Variants in ADTRP observed in about 807,000 individuals in gnomAD.
ADTRP encodes the protein androgen-dependent TFPI-regulating protein.
A neutral mutation model predicts 27.0 loss-of-function variants in ADTRP; 20 were observed. That is an observed-to-expected ratio of 0.74 (90% CI 0.52 to 1.08). The LOEUF is 1.08. Ranked by LOEUF, ADTRP falls within the 50% of genes least tolerant of loss-of-function variation. The pLI is 0.00. For synonymous variants in ADTRP, 101 were observed against 105.2 expected, an observed-to-expected ratio of 0.96 and a Z score of 0.25; for missense variants, 251 against 275.0, an observed-to-expected ratio of 0.91 and a Z score of 0.62.
At position 11,766,290 on chromosome 6, in the gene ADTRP, C is replaced by T. The variant is rs1188658464; in HGVS notation, c.374G>A (p.Trp125Ter). 2 of 1,611,542 alleles carry T rather than the reference C, an allele frequency of 1.2e-6. No homozygotes were observed. The highest frequency in any genetic ancestry group is 2.2e-5 in the South Asian group (2 of 90,512). ...PKVLDTVIPV[W>*]LNHAMHTFIF... is the part of the protein sequence containing the mutation. ...CTCACTCACCATTGCATGATTCAGCCACACGGGGATGACAGTATCTAGGAC... is the reference window on the plus strand; with the variant it reads ...CTCACTCACCATTGCATGATTCAGCTACACGGGGATGACAGTATCTAGGAC... The change falls in exon 3 of 6, where the codon TGG (tryptophan) becomes TAG (stop). Residue 125 changes from tryptophan (W) to a stop codon, truncating the protein, a stop_gained. Coordinates refer to ENST00000414691, the MANE Select transcript of ADTRP (RefSeq NM_032744.4). LOFTEE classifies it high-confidence loss of function.
chr6:11,748,957 G>A lies in ADTRP; in HGVS notation c.391-13274C>T, dbSNP rs755113435. ...AGTTCAGGTTTATTCCAAGTGAAGC[G>A]GGAAGCCACTGCTGAGTACTAAAAA... On this transcript the variant is annotated intron_variant, in intron 3 of 5. Coordinates refer to ENST00000414691, the MANE Select transcript of ADTRP (RefSeq NM_032744.4). 3.6e-4 allele frequency among the ~76,000 whole-genome samples: 55 copies of A among 152,344 alleles called. 1 individual carries two copies. The highest frequency in any genetic ancestry group is 9.6e-4 in the African/African-American group (40 of 41,582).
intron 1 of ADTRP, among the ~76,000 whole-genome samples, chr6:11,771,103 C>T (rs1046210997): frequency 1.3e-5 from 2 of 151,160 alleles, no homozygotes; most frequent in Non-Finnish European, 2.9e-5. Context: ...ATGTGGAAAT[C>T]GGATTGGGGG....
chr6:11,727,033 TC>T (rs200362256), intron 4 of ADTRP, among the ~76,000 whole-genome samples: 27 of 151,996 alleles, frequency 1.8e-4, no homozygotes, highest in Non-Finnish European at 3.7e-4. Context: ...GAATTCTTTT[TC>T]TTTTTTTAGA....
In ADTRP at chr6:11,747,200, A is replaced by G. The variant is rs1416690575; in HGVS notation, c.391-11517T>C. 2.6e-5 allele frequency among the ~76,000 whole-genome samples: 4 copies of G among 152,322 alleles called. No homozygotes were observed. In the South Asian group the frequency reaches 8.3e-4, roughly 32 times the overall value. On this transcript the variant is annotated intron_variant, in intron 3 of 5. Transcript: ENST00000414691. ...AAACAAAATTTCTCCAAAGGTCACA[A>G]AATTCCTTCTCACCACAGAATAATA...
intron 3 of ADTRP, among the ~76,000 whole-genome samples, chr6:11,758,973 T>C (rs1476138453): frequency 6.6e-6 from 1 of 152,212 alleles, no homozygotes; most frequent in African/African-American, 2.4e-5. Context: ...CAACTTGCCC[T>C]GCTCATGTTC....
intron 3 of ADTRP, among the ~76,000 whole-genome samples, chr6:11,743,795 C>G (rs764058995): frequency 1.3e-5 from 2 of 152,176 alleles, no homozygotes; most frequent in Non-Finnish European, 2.9e-5. Flanking sequence ...TCTGCACAGC[C>G]TGGGAAGCCA....
At chr6:11,716,772 T>C (rs1237478498) in intron 5 of ADTRP, among the ~76,000 whole-genome samples, 1 of 149,424 alleles carries the variant, frequency 6.7e-6, no homozygotes, top group African/African-American at 2.5e-5. Flanking sequence ...TGGAAGGCAG[T>C]GGTGTGATCT....
chr6:11,736,982 C>T (rs1361117089), intron 3 of ADTRP, among the ~76,000 whole-genome samples: 1 of 152,038 alleles, frequency 6.6e-6, no homozygotes, highest in Non-Finnish European at 1.5e-5. Flanking sequence ...TTCTTACATC[C>T]TCCAAACCCT....
Position 11,750,909 on chromosome 6 carries a change from C to T in ADTRP, c.391-15226G>A, listed in dbSNP as rs145664146. On this transcript the variant is annotated intron_variant, in intron 3 of 5. Transcript: ENST00000414691. ...CTGAATCGCCCAGGCCGGATTGCAA[C>T]GGCACAATCTTGGCTCTTTACAACC... 6.0e-3 allele frequency among the ~76,000 whole-genome samples: 915 copies of T among 152,278 alleles called. 12 individuals are homozygous for T. Among genetic ancestry groups the T allele is most frequent in the African/African-American group, 0.021 (858 of 41,550 alleles).
At chr6:11,778,515 T>A in intron 1 of ADTRP, 92 bp downstream of exon 1, 2 of 1,426,096 alleles carry the variant, frequency 1.4e-6, no homozygotes, top group Admixed American at 4.6e-5. Context: ...ATAACAAAAT[T>A]GTGTATTTAA....
Position 11,768,335 on chromosome 6 carries a change from T to C in ADTRP, c.202A>G (p.Lys68Glu). The C allele has an allele frequency of 6.2e-7, 1 of 1,614,208 alleles. No individual in the cohort carries two copies. Among genetic ancestry groups the C allele is most frequent in the Non-Finnish European group, 8.5e-7 (1 of 1,180,040 alleles). The change falls in exon 2 of 6, where the codon AAA becomes GAA. Residue 68 changes from lysine to glutamate, a missense_variant. Physicochemically the swap from Lys to Glu is moderately conservative, Grantham distance 56 (BLOSUM62 1). Transcript: ENST00000414691. ...ATGTCTTTTCCCCCTTTGGTTCTTT[T>C]CAGCACATCATCCAGGCAGGTGACC... ...YGVTCLDDVL[K>E]RTKGGKDIKF... is the part of the protein sequence containing the mutation.
At chr6:11,723,593 G>T in intron 4 of ADTRP, 93 bp from the exon 5 acceptor site, 1 of 1,460,200 alleles carries the variant, frequency 6.8e-7, no homozygotes, top group South Asian at 1.3e-5. Flanking sequence ...TACCCAGGCA[G>T]GGGAAGAGAA....
At chr6:11,729,667 G>A (rs1762322691) in intron 4 of ADTRP, among the ~76,000 whole-genome samples, 1 of 152,154 alleles carries the variant, frequency 6.6e-6, no homozygotes, top group South Asian at 2.1e-4. Context: ...AATTCCTCCA[G>A]GCAGGTGATT....
At chr6:11,750,787 A>AT (rs757957835) in intron 3 of ADTRP, among the ~76,000 whole-genome samples, 3 of 152,108 alleles carry the variant, frequency 2.0e-5, no homozygotes, top group Non-Finnish European at 2.9e-5. Context: ...GAAACTTTGC[A>AT]TTTTCCTCTG....
intron 1 of ADTRP, among the ~76,000 whole-genome samples, chr6:11,775,919 G>A (rs1341086494): frequency 6.6e-6 from 1 of 152,176 alleles, no homozygotes; most frequent in Admixed American, 6.5e-5. Context: ...CTTCCCCAAG[G>A]TGAGGTAAAA....
At chr6:11,724,192 A>G (rs1005057757) in intron 4 of ADTRP, among the ~76,000 whole-genome samples, 1 of 152,154 alleles carries the variant, frequency 6.6e-6, no homozygotes. Context: ...ACCTGCTATT[A>G]TGGCATTGAT....
At chr6:11,722,960 G>T (rs573470336) in intron 5 of ADTRP, among the ~76,000 whole-genome samples, 1 of 152,308 alleles carries the variant, frequency 6.6e-6, no homozygotes, top group African/African-American at 2.4e-5. Flanking sequence ...ATGAAACCTT[G>T]ATATTTTCAA....
chr6:11,735,429 C>A, intron 4 of ADTRP, 139 bp downstream of exon 4: 2 of 660,906 alleles, frequency 3.0e-6, no homozygotes, highest in South Asian at 4.1e-5. Context: ...AAGAATGCTT[C>A]TTACCTGGAA....
rs373128438 is a variant in ADTRP, at chr6:11,774,555, A to C, written c.153+4052T>G. ...TCATCATGAGAAGTTGAGGGTGATG[A>C]CGACGGAGCTGCCTGGGGCTTGGGC... is the stretch of plus-strand genomic sequence containing the variant. On this transcript the variant is annotated intron_variant, in intron 1 of 5. Transcript: ENST00000414691. 3.0e-4 allele frequency among the ~76,000 whole-genome samples: 46 copies of C among 151,862 alleles called. No individual in the cohort carries two copies. In the East Asian group the frequency reaches 7.0e-3, roughly 23 times the overall value.
Sources: gnomAD v4.1 joint callset for allele counts (sites outside exome capture counted in the v4.1 genomes callset) on GRCh38, gnomAD v4.1.1 for gene constraint, MANE v1.5 for transcripts, NCBI Gene and HGNC (gene_info 2026-07-23, HGNC 2026-07-21) for gene names.